PSMA8: variants seen among roughly 807,000 people sequenced by gnomAD.
PSMA8 encodes the protein proteasome subunit alpha-type 8.
PSMA8 carries 18 observed loss-of-function variants against 32.4 expected under a neutral mutation model. That is an observed-to-expected ratio of 0.56 (90% CI 0.38 to 0.82). The LOEUF (loss-of-function observed/expected upper bound fraction) is 0.82, where lower values mean the gene tolerates loss of function less well. PSMA8 is among the 40% of genes least tolerant of loss of function. PSMA8 has a pLI of 0.00. For synonymous variants in PSMA8, 104 were observed against 98.1 expected (o/e 1.06, Z -0.36); for missense variants, 298 against 300.7 (o/e 0.99, Z 0.07).
chr18:26,160,976 G>T (rs552209246), intron 4 of PSMA8, among the ~76,000 whole-genome samples: 8 of 152,258 alleles, frequency 5.3e-5, no homozygotes, highest in Admixed American at 1.3e-4. Context: ...TTGAATTTTA[G>T]ATACCTCCTC....
In PSMA8 at chr18:26,171,383, C is replaced by A; in HGVS notation, c.478-7447C>A. The A allele has an allele frequency of 2.4e-6, 3 of 1,256,928 alleles. No homozygotes were observed. The South Asian group carries it at 3.6e-5, about 15-fold the overall frequency. 77.9% of individuals were successfully genotyped at this position (1,256,928 alleles called of 1,614,324 possible). A position where few individuals can be genotyped will look rare whatever the true frequency, so the allele number is the denominator to read the frequency against. On this transcript the variant is annotated intron_variant, in intron 4 of 6. Coordinates refer to ENST00000415576, the MANE Select transcript of PSMA8 (RefSeq NM_001025096.2). ...CGGTATTTTGTTATGACATACCAAG[C>A]AGACTAATATAACGTGTAATGGGCT...
chr18:26,151,837 A>C, intron 2 of PSMA8, 21 bp from the exon 3 acceptor site: 2 of 1,570,994 alleles, frequency 1.3e-6, no homozygotes, highest in Non-Finnish European at 1.7e-6. Context: ...GGTTTTTGTG[A>C]AGTTTTGACA....
rs541298416 is a variant in PSMA8 at position 26,192,523 on chromosome 18, T to C, written c.*112T>C. Reference sequence around the variant, plus strand: ...TATTTTGCAGCATTACATGCAGTACTTGTGTGATGTTTTGAGAATGCCAGA... The same window carrying C: ...TATTTTGCAGCATTACATGCAGTACCTGTGTGATGTTTTGAGAATGCCAGA... On this transcript the variant is annotated 3_prime_UTR_variant, in exon 7 of 7. Coordinates refer to ENST00000415576, the MANE Select transcript of PSMA8 (RefSeq NM_001025096.2). The C allele has an allele frequency of 6.6e-4, 826 of 1,248,208 alleles. 1 individual carries two copies. The highest frequency in any genetic ancestry group is 2.2e-3 in the Middle Eastern group (11 of 4,980). The allele number at this position is 1,248,208 out of a possible 1,614,324, so 77.3% of individuals were successfully genotyped here.
chr18:26,149,878 G>C (rs1222165340), intron 2 of PSMA8, among the ~76,000 whole-genome samples: 1 of 152,168 alleles, frequency 6.6e-6, no homozygotes, highest in Non-Finnish European at 1.5e-5. Flanking sequence ...TCTTGAATAT[G>C]ACACTAAAAG....
intron 1 of PSMA8, among the ~76,000 whole-genome samples, chr18:26,134,340 G>GGTGTGTGT (rs563053283): frequency 8.8e-4 from 119 of 135,202 alleles, no homozygotes; most frequent in African/African-American, 3.7e-3. Flanking sequence ...TGTGTGTGTG[G>GGTGTGTGT]GTGTGTGTGT....
Position 26,165,295 on chromosome 18 carries a change from T to C in PSMA8, c.477+7051T>C, listed in dbSNP as rs144114582. On this transcript the variant is annotated intron_variant, in intron 4 of 6. Transcript: ENST00000415576. ...TCTGCAACTTCAGCATTAAAATGTGTGTGTATGCGTGCGCACGCATGCACC... is the reference window on the plus strand; with the variant it reads ...TCTGCAACTTCAGCATTAAAATGTGCGTGTATGCGTGCGCACGCATGCACC... 1.4e-3 allele frequency among the ~76,000 whole-genome samples: 215 copies of C among 152,344 alleles called. 2 individuals carry two copies. The highest frequency in any genetic ancestry group is 4.7e-3 in the African/African-American group (194 of 41,586).
chr18:26,143,794 T>C (rs1403629544), intron 1 of PSMA8, among the ~76,000 whole-genome samples: 1 of 152,172 alleles, frequency 6.6e-6, no homozygotes, highest in Non-Finnish European at 1.5e-5. Flanking sequence ...CAATCTCTGC[T>C]TACTGCAAGC....
At chr18:26,152,702 G>A (rs1598649485) in intron 3 of PSMA8, among the ~76,000 whole-genome samples, 1 of 152,192 alleles carries the variant, frequency 6.6e-6, no homozygotes, top group Non-Finnish European at 1.5e-5. Flanking sequence ...CTTAATCCCT[G>A]ATGTCACAGT....
chr18:26,166,062 A>AT (rs1277511516), intron 4 of PSMA8, among the ~76,000 whole-genome samples: 9 of 152,198 alleles, frequency 5.9e-5, no homozygotes, highest in African/African-American at 1.9e-4. Flanking sequence ...AGGTCCTGCC[A>AT]TTGCATTCCA....
intron 3 of PSMA8, 52 bp downstream of exon 3, chr18:26,152,034 A>G (rs995730081): frequency 1.2e-5 from 18 of 1,462,096 alleles, no homozygotes; most frequent in Non-Finnish European, 1.7e-5. Flanking sequence ...TTTCATCATT[A>G]TAAGTCCTAT....
chr18:26,146,845 T>C (rs1292366379), intron 2 of PSMA8, among the ~76,000 whole-genome samples: 3 of 152,052 alleles, frequency 2.0e-5, no homozygotes, highest in Non-Finnish European at 4.4e-5. Context: ...GGGTAACTTA[T>C]AAAGAAAAGA....
intron 4 of PSMA8, among the ~76,000 whole-genome samples, chr18:26,163,655 GGGGGCTAGATCTTGT>G (rs953705125): frequency 5.9e-5 from 9 of 152,298 alleles, no homozygotes; most frequent in African/African-American, 1.9e-4. Context: ...TTCAGAGGTA[GGGGGCTAGATCTTGT>G]GGGGCTAGAT....
intron 6 of PSMA8, among the ~76,000 whole-genome samples, chr18:26,185,214 T>C (rs2055343582): frequency 6.6e-6 from 1 of 150,538 alleles, no homozygotes; most frequent in African/African-American, 2.5e-5. Flanking sequence ...CAGAGGTTAA[T>C]GTGTTAGAAC....
At chr18:26,146,929 G>T (rs1433107203) in intron 2 of PSMA8, among the ~76,000 whole-genome samples, 1 of 152,118 alleles carries the variant, frequency 6.6e-6, no homozygotes, top group African/African-American at 2.4e-5. Context: ...GCCTCAGTAA[G>T]CTTTCAATCA....
intron 6 of PSMA8, among the ~76,000 whole-genome samples, chr18:26,180,695 G>GACACACACACACACAC (rs45627236): frequency 1.0e-4 from 15 of 143,356 alleles, no homozygotes; most frequent in African/African-American, 3.8e-4. Context: ...TATAAAAATA[G>GACACACACACACACAC]ACACACACAC....
At chr18:26,163,201 T>G (rs144127806) in intron 4 of PSMA8, among the ~76,000 whole-genome samples, 4 of 115,334 alleles carry the variant, frequency 3.5e-5, no homozygotes, top group Non-Finnish European at 5.1e-5. Flanking sequence ...TGGTGTGTGT[T>G]TATGTGTGTG....
At chr18:26,178,329 G>T (rs2055280083) in intron 4 of PSMA8, among the ~76,000 whole-genome samples, 1 of 152,186 alleles carries the variant, frequency 6.6e-6, no homozygotes, top group East Asian at 1.9e-4. Flanking sequence ...GAAAAAGTTG[G>T]CCAGATGTTG....
At chr18:26,143,753 G>C (rs993011967) in intron 1 of PSMA8, among the ~76,000 whole-genome samples, 1 of 151,412 alleles carries the variant, frequency 6.6e-6, no homozygotes, top group Non-Finnish European at 1.5e-5. Context: ...CTTGAGTCTC[G>C]CTCTGTTGCC....
intron 1 of PSMA8, among the ~76,000 whole-genome samples, chr18:26,142,719 T>C (rs1427465452): frequency 6.6e-6 from 1 of 152,078 alleles, no homozygotes; most frequent in African/African-American, 2.4e-5. Context: ...GTCTGGAGAG[T>C]ACCCATTTCC....
Sources: gnomAD v4.1 joint callset for allele counts (sites outside exome capture counted in the v4.1 genomes callset) on GRCh38, gnomAD v4.1.1 for gene constraint, MANE v1.5 for transcripts, NCBI Gene and HGNC (gene_info 2026-07-23, HGNC 2026-07-21) for gene names.